The following ALMS1 variants were observed in gnomAD, a reference collection of about 807,000 sequenced individuals.
The protein encoded by ALMS1 is centrosome-associated protein ALMS1.
Under a neutral mutation model 352.2 loss-of-function variants are expected in ALMS1, and 271 were observed. The observed-to-expected ratio is 0.77, with a 90% CI of 0.70 to 0.85. The LOEUF (loss-of-function observed/expected upper bound fraction) is 0.85, where lower values mean the gene tolerates loss of function less well. Ranked by LOEUF, ALMS1 falls within the 40% of genes least tolerant of loss-of-function variation. ALMS1 has a pLI of 0.00. For missense variants in ALMS1, 5,445 were observed against 4,870.7 expected, an observed-to-expected ratio of 1.12 and a Z score of -3.51; for synonymous variants, 1,865 against 1,761.2, an observed-to-expected ratio of 1.06 and a Z score of -1.48.
intron 2 of ALMS1, among the ~76,000 whole-genome samples, chr2:73,412,597 C>T (rs1012379471): frequency 2.0e-5 from 3 of 152,036 alleles, no homozygotes; most frequent in African/African-American, 7.2e-5. Flanking sequence ...TGAGACCAGC[C>T]TGGCCAATAT....
intron 9 of ALMS1, among the ~76,000 whole-genome samples, chr2:73,460,426 C>T (rs1050444698): frequency 5.3e-5 from 8 of 152,078 alleles, no homozygotes; most frequent in African/African-American, 1.9e-4. Flanking sequence ...TAGACAAAAA[C>T]AGTTCATTCA....
chr2:73,391,018 G>A (rs1405414433), intron 1 of ALMS1, among the ~76,000 whole-genome samples: 7 of 151,854 alleles, frequency 4.6e-5, no homozygotes, highest in South Asian at 4.2e-4. Flanking sequence ...TTATCCACCC[G>A]CCTCGGCCTC....
chr2:73,585,726 C>CATTTTTTTT lies in ALMS1; in HGVS notation c.11547+12302_11547+12303insATTTTTTTT, dbSNP rs749192981. On this transcript the variant is annotated intron_variant, in intron 16 of 22. Coordinates refer to ENST00000613296, the MANE Select transcript of ALMS1 (RefSeq NM_001378454.1). Reference sequence around the variant, plus strand: ...ATCATTTTTGCATACACTTCTTGGCCTTTTTTTTTTTTTTTCCCCGAGACG... The same window carrying CATTTTTTTT: ...ATCATTTTTGCATACACTTCTTGGCCATTTTTTTTTTTTTTTTTTTTTTTCCCCGAGACG... Among the ~76,000 whole-genome samples, 277 of 119,530 alleles carry CATTTTTTTT rather than the reference C, an allele frequency of 2.3e-3. 2 individuals are homozygous for CATTTTTTTT. The highest frequency in any genetic ancestry group is 9.5e-3 in the African/African-American group (270 of 28,514). The allele number at this position is 119,530 out of a possible 152,430, so 78.4% of individuals were successfully genotyped here.
chr2:73,587,454 T>A (rs1291788106), intron 16 of ALMS1, among the ~76,000 whole-genome samples: 1 of 152,220 alleles, frequency 6.6e-6, no homozygotes, highest in Non-Finnish European at 1.5e-5. Flanking sequence ...ATGTCCTTTC[T>A]ATGCCGATTT....
At chr2:73,571,573 C>A (rs939491727) in intron 15 of ALMS1, among the ~76,000 whole-genome samples, 1 of 152,064 alleles carries the variant, frequency 6.6e-6, no homozygotes. Context: ...CACCTCCTAC[C>A]TAATACTATT....
At position 73,450,465 on chromosome 2, in the gene ALMS1, T is replaced by C. The variant is rs1463118801; in HGVS notation, c.3938T>C (p.Val1313Ala). Residue 1313 changes from valine to alanine, a missense_variant, in exon 8 of 23, where the codon GTT becomes GCT. Physicochemically the swap from Val to Ala is moderately conservative, Grantham distance 64 (BLOSUM62 0). Transcript: ENST00000613296. ...SSHLTEEAKNVSAVPGPADQK... is the reference protein window; with the variant it reads ...SSHLTEEAKNASAVPGPADQK... ...CATCTAACTGAAGAGGCTAAGAATG[T>C]TTCAGCGGTTCCTGGACCAGCTGAC... 9 of 1,613,412 alleles carry C rather than the reference T, an allele frequency of 5.6e-6. 1 individual carries two copies. The Admixed American group carries it at 1.5e-4, about 27-fold the overall frequency.
intron 2 of ALMS1, among the ~76,000 whole-genome samples, chr2:73,410,387 C>CA (rs1018252556): frequency 6.6e-6 from 1 of 151,204 alleles, no homozygotes; most frequent in Non-Finnish European, 1.5e-5. Flanking sequence ...AGACTTGTCT[C>CA]AAAAAAAAGC....
intron 1 of ALMS1, among the ~76,000 whole-genome samples, chr2:73,399,887 C>G (rs1375419069): frequency 6.7e-6 from 1 of 150,006 alleles, no homozygotes; most frequent in Non-Finnish European, 1.5e-5. Context: ...GTTATATGAT[C>G]ATGTGGTTTT....
chr2:73,516,936 A>C (rs1464893651), intron 10 of ALMS1, among the ~76,000 whole-genome samples: 1 of 151,932 alleles, frequency 6.6e-6, no homozygotes, highest in African/African-American at 2.4e-5. Context: ...TAAGGAGGAG[A>C]GCTGATGTGT....
intron 21 of ALMS1, among the ~76,000 whole-genome samples, chr2:73,608,266 T>C (rs992794257): frequency 1.3e-5 from 2 of 152,184 alleles, no homozygotes; most frequent in Non-Finnish European, 2.9e-5. Flanking sequence ...TAGGATTTTA[T>C]TGTGTTTGTA....
intron 19 of ALMS1, 46 bp downstream of exon 19, chr2:73,601,482 A>T: frequency 6.2e-7 from 1 of 1,602,828 alleles, no homozygotes; most frequent in Non-Finnish European, 8.5e-7. Flanking sequence ...TAGGGAGAAG[A>T]AGGGCAAGGC....
intron 7 of ALMS1, among the ~76,000 whole-genome samples, chr2:73,432,670 G>T (rs1202501864): frequency 6.7e-6 from 1 of 149,194 alleles, no homozygotes; most frequent in Non-Finnish European, 1.5e-5. Flanking sequence ...TCCCAAACAT[G>T]TGGCCTGTGT....
rs1022489904 is a variant in ALMS1 at position 73,386,297 on chromosome 2, C to A, written c.324+105C>A. 7 of 1,394,638 alleles carry A rather than the reference C, an allele frequency of 5.0e-6. No homozygotes were observed. In the South Asian group the frequency reaches 7.6e-5, roughly 15 times the overall value. The allele number at this position is 1,394,638 out of a possible 1,614,324, so 86.4% of individuals were successfully genotyped here. On this transcript the variant is annotated intron_variant, in intron 1 of 22. Coordinates refer to ENST00000613296, the MANE Select transcript of ALMS1 (RefSeq NM_001378454.1). ...AGGTCACGCCGCCTGACGGAGAAAA[C>A]GCGCGCAGCTGAGGCTAGTAGGCGG...
chr2:73,599,293 C>A, intron 16 of ALMS1, 108 bp from the exon 17 acceptor site: 1 of 1,432,224 alleles, frequency 7.0e-7, no homozygotes, highest in Non-Finnish European at 9.7e-7. Flanking sequence ...AAATGCATCT[C>A]AACAGTTTGA....
At chr2:73,550,867 G>A (rs1280623028) in intron 13 of ALMS1, among the ~76,000 whole-genome samples, 1 of 151,430 alleles carries the variant, frequency 6.6e-6, no homozygotes, top group African/African-American at 2.4e-5. Context: ...TTAAAGACAG[G>A]GTCTCACTCT....
chr2:73,436,504 G>T (rs951857694), intron 7 of ALMS1, among the ~76,000 whole-genome samples: 1 of 152,052 alleles, frequency 6.6e-6, no homozygotes, highest in Non-Finnish European at 1.5e-5. Context: ...ATCATCTCTT[G>T]CATCACAGTC....
Position 73,510,122 on chromosome 2 carries a change from C to G in ALMS1, c.9540-9653C>G, listed in dbSNP as rs146534452. Among the ~76,000 whole-genome samples the G allele has an allele frequency of 2.6e-3, 400 of 152,220 alleles. 3 individuals are homozygous for G. Among genetic ancestry groups the G allele is most frequent in the African/African-American group, 9.1e-3 (376 of 41,524 alleles). ...TATTCTAGTTAGCAATTCCTCTAAC[C>G]TTTTATCAATGTTCTTAGCTTCCTT... On this transcript the variant is annotated intron_variant, in intron 10 of 22. Transcript: ENST00000613296.
intron 10 of ALMS1, among the ~76,000 whole-genome samples, chr2:73,508,131 C>T (rs1339614250): frequency 2.0e-5 from 3 of 147,408 alleles, no homozygotes; most frequent in Non-Finnish European, 4.5e-5. Context: ...TTTTCCTTTC[C>T]TTTCCCTTTC....
At chr2:73,427,996 A>G (rs956551623) in intron 6 of ALMS1, among the ~76,000 whole-genome samples, 2 of 152,212 alleles carry the variant, frequency 1.3e-5, no homozygotes, top group African/African-American at 4.8e-5. Context: ...GAAAATGAAC[A>G]AAGATATTAT....
Sources: gnomAD v4.1 joint callset for allele counts (sites outside exome capture counted in the v4.1 genomes callset) on GRCh38, gnomAD v4.1.1 for gene constraint, MANE v1.5 for transcripts, NCBI Gene and HGNC (gene_info 2026-07-23, HGNC 2026-07-21) for gene names.